Variants in WDFY3 observed in about 807,000 individuals in gnomAD.
WDFY3 encodes WD repeat and FYVE domain containing 3.
Under a neutral mutation model 409.6 loss-of-function variants are expected in WDFY3, and 66 were observed. The ratio of observed to expected loss-of-function variants is 0.16; its 90% confidence interval spans 0.13 to 0.20. The LOEUF (loss-of-function observed/expected upper bound fraction) is 0.20. WDFY3 is among the 10% of genes least tolerant of loss of function. The probability of loss-of-function intolerance (pLI) is 1.00; values close to 1 mark genes in which losing one functional copy is unlikely to be tolerated. For synonymous variants in WDFY3, 1,521 were observed against 1,537.1 expected (o/e 0.99, Z 0.25); for missense variants, 3,031 against 4,298.1 (o/e 0.71, Z 8.24).
chr4:84,691,914 C>G (rs745457804), intron 59 of WDFY3, 129 bp from the exon 60 acceptor site: 474 of 925,820 alleles, frequency 5.1e-4, no homozygotes, highest in South Asian at 6.8e-4. Flanking sequence ...AAAAAATGAT[C>G]TCTGAAATAG....
intron 3 of WDFY3, among the ~76,000 whole-genome samples, chr4:84,873,139 T>C (rs1220967986): frequency 6.6e-6 from 1 of 152,202 alleles, no homozygotes; most frequent in Non-Finnish European, 1.5e-5. Context: ...AATCAATACA[T>C]ATATAGTTTA....
chr4:84,813,777 T>TA (rs1041477636), intron 13 of WDFY3, among the ~76,000 whole-genome samples: 2 of 151,908 alleles, frequency 1.3e-5, no homozygotes. Context: ...AATGGTATGT[T>TA]AAAAAAAAGT....
chr4:84,691,577 T>G, intron 60 of WDFY3, 54 bp downstream of exon 60: 1 of 1,586,778 alleles, frequency 6.3e-7, no homozygotes, highest in Non-Finnish European at 8.6e-7. Context: ...TCATATAGGA[T>G]AGCCAGACCA....
chr4:84,723,909 T>C (rs1735241836), intron 46 of WDFY3, among the ~76,000 whole-genome samples: 1 of 152,210 alleles, frequency 6.6e-6, no homozygotes, highest in African/African-American at 2.4e-5. Flanking sequence ...TCTATGGACA[T>C]TGTAGTCCAA....
intron 2 of WDFY3, among the ~76,000 whole-genome samples, chr4:84,927,622 C>T (rs111481594): frequency 1.3e-5 from 2 of 151,732 alleles, no homozygotes; most frequent in Admixed American, 6.6e-5. Flanking sequence ...TGGATCATGG[C>T]GGAGGTTTCC....
intron 66 of WDFY3, 110 bp downstream of exon 66, chr4:84,678,058 G>C (rs1036374788): frequency 2.6e-5 from 18 of 696,060 alleles, no homozygotes; most frequent in Non-Finnish European, 4.7e-5. Flanking sequence ...AGCTACATAC[G>C]ATAATACAAA....
At chr4:84,782,878 A>G (rs1746809535) in intron 25 of WDFY3, 85 bp downstream of exon 25, 1 of 1,219,522 alleles carries the variant, frequency 8.2e-7, no homozygotes, top group African/African-American at 1.5e-5. Flanking sequence ...ATATGAACTT[A>G]AATACTGCCC....
intron 17 of WDFY3, 47 bp from the exon 18 acceptor site, chr4:84,798,155 A>G (rs369202270): frequency 1.3e-5 from 19 of 1,440,166 alleles, no homozygotes; most frequent in Non-Finnish European, 1.7e-5. Context: ...AGATTATTAT[A>G]TAATTCATTA....
intron 3 of WDFY3, among the ~76,000 whole-genome samples, chr4:84,892,882 A>G (rs966784004): frequency 6.6e-6 from 1 of 152,260 alleles, no homozygotes; most frequent in African/African-American, 2.4e-5. Flanking sequence ...TTCAGTATGC[A>G]TAGTCAAGGA....
intron 64 of WDFY3, among the ~76,000 whole-genome samples, chr4:84,680,802 G>A (rs1727222965): frequency 6.6e-6 from 1 of 152,146 alleles, no homozygotes; most frequent in Non-Finnish European, 1.5e-5. Flanking sequence ...ATGATTTAAG[G>A]TATACAGGAG....
intron 23 of WDFY3, among the ~76,000 whole-genome samples, chr4:84,786,345 A>C (rs1429010404): frequency 6.6e-6 from 1 of 152,238 alleles, no homozygotes; most frequent in Non-Finnish European, 1.5e-5. Context: ...AGAGTTCTAC[A>C]TTCTAAGTGC....
In WDFY3 at chr4:84,677,475, G is replaced by A. The variant is rs1375582147; in HGVS notation, c.10260-79C>T. The stretch of plus-strand genomic sequence containing the variant: ...TTCTTGAGGCTCTCTGGATTTTGGT[G>A]GATGTGTGTTTTGAGGTCGGGGCTG... On this transcript the variant is annotated intron_variant, in intron 66 of 67. Transcript: ENST00000295888. The A allele has an allele frequency of 4.3e-6, 6 of 1,397,552 alleles. No individual in the cohort carries two copies. The South Asian group carries it at 4.4e-5, about 10-fold the overall frequency. The allele number at this position is 1,397,552 out of a possible 1,614,324, so 86.6% of individuals were successfully genotyped here.
At chr4:84,701,343 T>C (rs142098457) in intron 56 of WDFY3, among the ~76,000 whole-genome samples, 1 of 152,322 alleles carries the variant, frequency 6.6e-6, no homozygotes, top group African/African-American at 2.4e-5. Flanking sequence ...TCTTTCCCAT[T>C]TCACAAAGGT....
intron 50 of WDFY3, 33 bp from the exon 51 acceptor site, chr4:84,713,272 T>C: frequency 6.3e-7 from 1 of 1,586,158 alleles, no homozygotes; most frequent in East Asian, 2.2e-5. Context: ...AAATTACAAG[T>C]GAAGTCTCAG....
chr4:84,744,581 C>T (rs576108403), intron 36 of WDFY3, among the ~76,000 whole-genome samples: 35 of 152,040 alleles, frequency 2.3e-4, no homozygotes, highest in South Asian at 1.7e-3. Context: ...GGGCCGGGCG[C>T]GGTGGCTCAC....
chr4:84,806,554 T>C (rs1444747864), intron 15 of WDFY3, among the ~76,000 whole-genome samples: 1 of 149,730 alleles, frequency 6.7e-6, no homozygotes, highest in Non-Finnish European at 1.5e-5. Context: ...TCTTTAAGAA[T>C]AAAAAGAGAA....
chr4:84,778,714 C>A, intron 26 of WDFY3, 59 bp from the exon 27 acceptor site: 2 of 1,521,798 alleles, frequency 1.3e-6, no homozygotes, highest in Non-Finnish European at 1.8e-6. Flanking sequence ...TCATTACACA[C>A]ACACAAACAC....
intron 65 of WDFY3, 72 bp from the exon 66 acceptor site, chr4:84,678,351 G>C: frequency 8.7e-7 from 1 of 1,147,124 alleles, no homozygotes; most frequent in Admixed American, 1.7e-5. Flanking sequence ...ACTACTCTAA[G>C]ATGGTGGCCT....
At chr4:84,781,418 G>A (rs1271879713) in intron 25 of WDFY3, among the ~76,000 whole-genome samples, 27 of 144,072 alleles carry the variant, frequency 1.9e-4, no homozygotes, top group Admixed American at 5.5e-4. Context: ...TTTGAGACAG[G>A]GTCTCATTGT....
Sources: gnomAD v4.1 joint callset for allele counts (sites outside exome capture counted in the v4.1 genomes callset) on GRCh38, gnomAD v4.1.1 for gene constraint, MANE v1.5 for transcripts, NCBI Gene and HGNC (gene_info 2026-07-23, HGNC 2026-07-21) for gene names.